Variants in CDC42BPA observed in about 807,000 individuals in gnomAD.
CDC42BPA encodes CDC42 binding protein kinase alpha.
Under a neutral mutation model 223.5 loss-of-function variants are expected in CDC42BPA, and 80 were observed. The ratio of observed to expected loss-of-function variants is 0.36; its 90% CI spans 0.30 to 0.43. CDC42BPA has a LOEUF of 0.43. Among genes scored for constraint, CDC42BPA ranks in the 20% least tolerant of loss-of-function variants. The pLI, the probability that CDC42BPA is intolerant of heterozygous loss-of-function variation, is 1.00. For synonymous variants in CDC42BPA, 694 were observed against 718.6 expected, an observed-to-expected ratio of 0.97 and a Z score of 0.55; for missense variants, 1,743 against 2,099.9, an observed-to-expected ratio of 0.83 and a Z score of 3.32.
At chr1:227,301,639 T>A (rs1422837829) in intron 1 of CDC42BPA, among the ~76,000 whole-genome samples, 1 of 152,206 alleles carries the variant, frequency 6.6e-6, no homozygotes, top group Admixed American at 6.5e-5. Flanking sequence ...ATTACAGGCA[T>A]GAGCCACTGT....
intron 5 of CDC42BPA, among the ~76,000 whole-genome samples, chr1:227,169,470 T>C (rs1665720472): frequency 6.6e-6 from 1 of 152,150 alleles, no homozygotes; most frequent in Admixed American, 6.5e-5. Context: ...GGGAAGAAGT[T>C]TCTTATCTTT....
At chr1:227,072,361 T>C (rs372487005) in intron 19 of CDC42BPA, 62 bp from the exon 20 acceptor site, 1 of 943,332 alleles carries the variant, frequency 1.1e-6, no homozygotes. Context: ...GTGAGCCATC[T>C]TGGATGTAGC....
intron 22 of CDC42BPA, 45 bp from the exon 23 acceptor site, chr1:227,048,055 C>T (rs762388259): frequency 2.9e-5 from 33 of 1,139,078 alleles, no homozygotes; most frequent in Admixed American, 6.3e-5. Context: ...TGAAACACTC[C>T]ATTAATTTCA....
chr1:227,213,009 T>A, intron 3 of CDC42BPA, 127 bp downstream of exon 3: 1 of 520,430 alleles, frequency 1.9e-6, no homozygotes, highest in Non-Finnish European at 3.4e-6. Context: ...ATTTGTCTTT[T>A]ATGCCTTAAA....
chr1:227,046,296 A>G (rs1672437913), intron 23 of CDC42BPA, among the ~76,000 whole-genome samples: 1 of 151,984 alleles, frequency 6.6e-6, no homozygotes, highest in Non-Finnish European at 1.5e-5. Flanking sequence ...GACATTATCG[A>G]TAGGTCTTTT....
intron 5 of CDC42BPA, among the ~76,000 whole-genome samples, chr1:227,192,304 G>C (rs116745223): frequency 0.011 from 914 of 86,528 alleles, 10 homozygotes; most frequent in African/African-American, 0.033. Flanking sequence ...TGCTGTCTTA[G>C]AGCATAGTTC....
chr1:227,000,746 T>G (rs1662648674), intron 35 of CDC42BPA, among the ~76,000 whole-genome samples: 1 of 152,198 alleles, frequency 6.6e-6, no homozygotes, highest in Middle Eastern at 3.4e-3. Context: ...TTCCAGTATG[T>G]TTTTTTCACT....
chr1:227,101,485 T>G (rs189712702), intron 14 of CDC42BPA, among the ~76,000 whole-genome samples: 1 of 152,294 alleles, frequency 6.6e-6, no homozygotes, highest in Admixed American at 6.5e-5. Context: ...ACACAAAGAT[T>G]ACATATTTAT....
At chr1:227,121,361 A>G (rs1688645029) in intron 11 of CDC42BPA, among the ~76,000 whole-genome samples, 1 of 152,236 alleles carries the variant, frequency 6.6e-6, no homozygotes, top group Non-Finnish European at 1.5e-5. Context: ...TATTGGGAAG[A>G]GCAATTCACT....
chr1:227,047,959 CT>C lies in CDC42BPA; in HGVS notation c.3060del (p.Gly1021AspfsTer19). ...LSVHTPTLRK[K>X]GCPGSTGFPP... is the part of the protein sequence containing the mutation. ...GGAAAGCCAGTTGAACCAGGACATC[CT>C]TTTTTCCTTAAGGTTGGTGTGTGAA... is the stretch of plus-strand genomic sequence containing the variant. On this transcript the variant is annotated frameshift_variant, in exon 23 of 37. Transcript: ENST00000366766. LOFTEE classifies it high-confidence loss of function. The C allele has an allele frequency of 1.2e-6, 2 of 1,611,380 alleles. No homozygotes were observed. Among genetic ancestry groups the C allele is most frequent in the Non-Finnish European group, 1.7e-6 (2 of 1,177,996 alleles).
chr1:227,126,703 A>G (rs548128619), intron 11 of CDC42BPA, among the ~76,000 whole-genome samples: 15 of 152,318 alleles, frequency 9.8e-5, no homozygotes, highest in Admixed American at 2.6e-4. Context: ...AAATCAACCA[A>G]TGTAATTCAC....
At chr1:227,073,514 T>G (rs555453876) in intron 19 of CDC42BPA, among the ~76,000 whole-genome samples, 1 of 152,140 alleles carries the variant, frequency 6.6e-6, no homozygotes, top group Non-Finnish European at 1.5e-5. Context: ...TATTTTGTTC[T>G]CACCATATGT....
chr1:227,083,957 G>A (rs1421718364), intron 16 of CDC42BPA, among the ~76,000 whole-genome samples: 1 of 152,106 alleles, frequency 6.6e-6, no homozygotes, highest in Non-Finnish European at 1.5e-5. Flanking sequence ...TAGATTCTGA[G>A]GTTTTTCTGC....
In CDC42BPA at chr1:227,029,092, T is replaced by C. The variant is rs962823621; in HGVS notation, c.3997A>G (p.Thr1333Ala). Residue 1333 changes from threonine to alanine, a missense_variant, in exon 30 of 37, where the codon ACT becomes GCT. By Grantham distance (58) the Thr-to-Ala change is moderately conservative (BLOSUM62 0). Around this residue, in one of 6 missense-constraint regions of CDC42BPA, gnomAD observed 678 missense variants for 777.5 expected, o/e 0.87. Transcript: ENST00000366766. ...RETDFYKLSE[T>A]KGCQTVTSGK... ...GAAGTTACGGTTTGACACCCTTTAG[T>C]TTCTGACAGCTTGTAAAAATCGGTC... The C allele has an allele frequency of 1.9e-6, 3 of 1,613,672 alleles. No individual in the cohort carries two copies. Among genetic ancestry groups the C allele is most frequent in the African/African-American group, 1.3e-5 (1 of 74,940 alleles).
At chr1:227,005,325 T>TA (rs1341532346) in intron 34 of CDC42BPA, among the ~76,000 whole-genome samples, 1 of 152,202 alleles carries the variant, frequency 6.6e-6, no homozygotes, top group African/African-American at 2.4e-5. Context: ...AATAAGTACT[T>TA]ATACTTACTG....
chr1:227,210,432 T>C (rs985984221), intron 3 of CDC42BPA, among the ~76,000 whole-genome samples: 20 of 152,170 alleles, frequency 1.3e-4, no homozygotes, highest in Non-Finnish European at 2.6e-4. Flanking sequence ...TTGCTTTATA[T>C]ATAAATGTCC....
intron 23 of CDC42BPA, among the ~76,000 whole-genome samples, chr1:227,042,474 G>A (rs1485100442): frequency 1.3e-5 from 2 of 152,080 alleles, no homozygotes; most frequent in Non-Finnish European, 2.9e-5. Context: ...GAGAGGTTGT[G>A]TAATCCACTA....
intron 5 of CDC42BPA, among the ~76,000 whole-genome samples, chr1:227,163,191 T>C (rs1201710496): frequency 6.6e-6 from 1 of 151,522 alleles, no homozygotes; most frequent in African/African-American, 2.5e-5. Context: ...TATGTGTGTA[T>C]GTTTCCAAAC....
At chr1:227,126,363 TGCAG>T (rs751075886) in intron 11 of CDC42BPA, among the ~76,000 whole-genome samples, 27 of 152,074 alleles carry the variant, frequency 1.8e-4, no homozygotes, top group Non-Finnish European at 2.9e-4. Flanking sequence ...AAAGGATGCA[TGCAG>T]GTGGATCCCC....
Sources: allele counts gnomAD v4.1 joint callset (sites outside exome capture counted in the v4.1 genomes callset), GRCh38; gene constraint gnomAD v4.1.1; regional missense constraint gnomAD v4.1.1; transcripts MANE v1.5; gene names NCBI Gene and HGNC (gene_info 2026-07-23, HGNC 2026-07-21).